Variants in MBD5 observed in about 807,000 individuals in gnomAD.
MBD5 encodes the protein methyl-CpG binding domain protein 5, also known as methyl-CpG-binding domain protein 5.
A neutral mutation model predicts 117.3 loss-of-function variants in MBD5; 13 were observed. That is an observed-to-expected ratio of 0.11 (90% CI 0.07 to 0.18). MBD5 has a LOEUF of 0.18. Ranked by LOEUF, MBD5 falls within the 10% of genes least tolerant of loss-of-function variation. The pLI, the probability that MBD5 is intolerant of heterozygous loss-of-function variation, is 1.00. For missense variants in MBD5, 1,879 were observed against 2,093.8 expected (o/e 0.90, Z 2.00); for synonymous variants, 727 against 766.4 (o/e 0.95, Z 0.85).
intron 3 of MBD5, among the ~76,000 whole-genome samples, chr2:148,320,371 G>C (rs1454784158): frequency 6.6e-6 from 1 of 151,998 alleles, no homozygotes; most frequent in Non-Finnish European, 1.5e-5. Flanking sequence ...TGGTTTGGTT[G>C]TTTGACAGAA....
chr2:148,411,509 G>A (rs1025432965), intron 4 of MBD5, among the ~76,000 whole-genome samples: 1 of 60,468 alleles, frequency 1.7e-5, no homozygotes, highest in Non-Finnish European at 3.2e-5. Flanking sequence ...ACCAGCATCT[G>A]TTCTTTTTTT....
chr2:148,191,078 C>G (rs2105904682), intron 2 of MBD5, among the ~76,000 whole-genome samples: 1 of 132,510 alleles, frequency 7.5e-6, no homozygotes, highest in African/African-American at 2.8e-5. Flanking sequence ...ATTTATGCAC[C>G]CAATACAGGA....
chr2:148,372,502 G>A (rs115998989), intron 4 of MBD5, among the ~76,000 whole-genome samples: 2,083 of 151,984 alleles, frequency 0.014, 21 homozygotes, highest in Middle Eastern at 0.027. Context: ...AGTCAAATTC[G>A]TGGCCTACTA....
chr2:148,021,527 G>C lies in MBD5; in HGVS notation c.-1082G>C. 1.8e-6 allele frequency: 1 copy of C among 565,686 alleles called. No homozygotes were observed. Among genetic ancestry groups the C allele is most frequent in the Non-Finnish European group, 3.4e-6 (1 of 294,572 alleles). The allele number at this position is 565,686 out of a possible 1,614,324, so 35.0% of individuals were successfully genotyped here. On this transcript the variant is annotated 5_prime_UTR_variant, in exon 1 of 14. Coordinates refer to ENST00000642680, the MANE Select transcript of MBD5 (RefSeq NM_001378120.1). ...CTGCTGCTGCTACTGCTGCTGCTTG[G>C]CCCTGGCTGGAGACATCTCACTACA...
At chr2:148,308,300 C>G (rs1701942481) in intron 3 of MBD5, among the ~76,000 whole-genome samples, 1 of 152,090 alleles carries the variant, frequency 6.6e-6, no homozygotes, top group Non-Finnish European at 1.5e-5. Context: ...TCTGCAGCAT[C>G]CGTTGTTTCT....
intron 4 of MBD5, among the ~76,000 whole-genome samples, chr2:148,359,536 T>A (rs1167837601): frequency 3.3e-5 from 5 of 152,154 alleles, no homozygotes; most frequent in Non-Finnish European, 7.4e-5. Context: ...GAGTGTGATA[T>A]GTAAAAAGCA....
At chr2:148,415,743 G>C (rs900969963) in intron 4 of MBD5, among the ~76,000 whole-genome samples, 15 of 152,128 alleles carry the variant, frequency 9.9e-5, no homozygotes, top group Non-Finnish European at 1.5e-5. Context: ...TCATCAGCTT[G>C]TTCTATTCTG....
At chr2:148,060,332 C>A (rs1345303758) in intron 1 of MBD5, among the ~76,000 whole-genome samples, 1 of 150,990 alleles carries the variant, frequency 6.6e-6, no homozygotes, top group Non-Finnish European at 1.5e-5. Context: ...AAAGAAAAGT[C>A]TCACTGGAGA....
intron 4 of MBD5, among the ~76,000 whole-genome samples, chr2:148,373,303 C>A (rs965821419): frequency 6.6e-6 from 1 of 151,864 alleles, no homozygotes; most frequent in African/African-American, 2.4e-5. Flanking sequence ...TCCATCAATT[C>A]TGGATGTAAT....
intron 1 of MBD5, among the ~76,000 whole-genome samples, chr2:148,024,653 A>G (rs1693849090): frequency 1.3e-5 from 2 of 152,020 alleles, no homozygotes; most frequent in Admixed American, 1.3e-4. Context: ...CTTTATCTCT[A>G]CTGTGGCTCT....
intron 1 of MBD5, among the ~76,000 whole-genome samples, chr2:148,149,107 A>G (rs1284142873): frequency 6.9e-6 from 1 of 145,034 alleles, no homozygotes; most frequent in Non-Finnish European, 1.5e-5. Context: ...ACCCCACAAC[A>G]GTCCCCAGAG....
intron 1 of MBD5, among the ~76,000 whole-genome samples, chr2:148,112,991 T>A (rs1420750020): frequency 6.6e-6 from 1 of 152,176 alleles, no homozygotes. Flanking sequence ...AGACCCTGTC[T>A]CTTAAATAAA....
intron 4 of MBD5, among the ~76,000 whole-genome samples, chr2:148,424,162 A>T (rs557610929): frequency 7.3e-6 from 1 of 136,900 alleles, no homozygotes; most frequent in Admixed American, 7.5e-5. Flanking sequence ...TGGGCAACAG[A>T]GCAAGACTCT....
At chr2:148,282,925 A>T (rs1701285400) in intron 3 of MBD5, among the ~76,000 whole-genome samples, 1 of 127,804 alleles carries the variant, frequency 7.8e-6, no homozygotes, top group Non-Finnish European at 1.6e-5. Context: ...TGCAATTATT[A>T]GTTGTCTCTA....
chr2:148,469,090 T>C lies in MBD5; in HGVS notation c.1147T>C (p.Ser383Pro), dbSNP rs1553518530. ...PVIINPTSFH[S>P]NVHSQVPMMN... The stretch of plus-strand genomic sequence containing the variant: ...TATCATTAATCCAACCAGTTTCCAT[T>C]CAAATGTCCACTCTCAGGTACCTAT... Residue 383 changes from serine to proline, a missense_variant, in exon 8 of 14, where the codon TCA becomes CCA. Transcript: ENST00000642680. 9.3e-6 allele frequency: 15 copies of C among 1,613,922 alleles called. No individual in the cohort carries two copies. Among genetic ancestry groups the C allele is most frequent in the Non-Finnish European group, 1.2e-5 (14 of 1,179,976 alleles).
At chr2:148,458,055 G>T in intron 4 of MBD5, 148 bp from the exon 5 acceptor site, 1 of 386,536 alleles carries the variant, frequency 2.6e-6, no homozygotes, top group South Asian at 1.4e-4. Flanking sequence ...TTGGAAGAAG[G>T]AAACAACTTG....
intron 1 of MBD5, among the ~76,000 whole-genome samples, chr2:148,150,078 AAC>A (rs1558947258): frequency 9.5e-6 from 1 of 105,616 alleles, no homozygotes; most frequent in Non-Finnish European, 2.0e-5. Context: ...TTTTAGGTCT[AAC>A]ATTTAAGTCT....
chr2:148,346,948 A>G lies in MBD5; in HGVS notation c.-557+4612A>G, dbSNP rs563194567. ...TGACAGGATAATAAAATGAACCCCAATGTACCTCAAATCTGGCTTCATTAA... is the reference window on the plus strand; with the variant it reads ...TGACAGGATAATAAAATGAACCCCAGTGTACCTCAAATCTGGCTTCATTAA... On this transcript the variant is annotated intron_variant, in intron 4 of 13. Transcript: ENST00000642680. 1.5e-4 allele frequency: 23 copies of G among 152,110 alleles called. No individual in the cohort carries two copies. In the East Asian group the frequency reaches 2.5e-3, roughly 17 times the overall value. 9.4% of individuals were successfully genotyped at this position (152,110 alleles called of 1,614,324 possible).
chr2:148,036,683 CT>C (rs1694204486), intron 1 of MBD5, among the ~76,000 whole-genome samples: 1 of 152,020 alleles, frequency 6.6e-6, no homozygotes, highest in Non-Finnish European at 1.5e-5. Context: ...CTCAGTGCTC[CT>C]GTGAGCCATC....
Sources: gnomAD v4.1 joint callset for allele counts (sites outside exome capture counted in the v4.1 genomes callset) on GRCh38, gnomAD v4.1.1 for gene constraint, MANE v1.5 for transcripts, NCBI Gene and HGNC (gene_info 2026-07-23, HGNC 2026-07-21) for gene names.